The following FAM169A variants were observed in gnomAD, a reference collection of about 807,000 sequenced individuals.
The protein encoded by FAM169A is family with sequence similarity 169 member A.
FAM169A carries 24 observed loss-of-function variants against 75.7 expected under a neutral mutation model. The ratio of observed to expected loss-of-function variants is 0.32; its 90% CI spans 0.23 to 0.45. The LOEUF is 0.45. Among genes scored for constraint, FAM169A ranks in the 20% least tolerant of loss-of-function variants. The probability of loss-of-function intolerance (pLI) is 1.00; values close to 1 mark genes in which losing one functional copy is unlikely to be tolerated. For missense variants in FAM169A, 673 were observed against 784.0 expected (o/e 0.86, Z 1.69); for synonymous variants, 271 against 271.0 (o/e 1.00, Z 0.00).
chr5:74,801,082 C>A (rs962078375), intron 9 of FAM169A, 52 bp from the exon 10 acceptor site: 49 of 1,352,886 alleles, frequency 3.6e-5, no homozygotes, highest in Non-Finnish European at 4.5e-5. Flanking sequence ...ATTAAAAGGA[C>A]TACCTATTAA....
chr5:74,841,126 A>G (rs1325037563), intron 2 of FAM169A, among the ~76,000 whole-genome samples: 1 of 152,240 alleles, frequency 6.6e-6, no homozygotes, highest in Non-Finnish European at 1.5e-5. Context: ...ACAAAATATT[A>G]TAATTTACTG....
chr5:74,841,495 G>A (rs770592649), intron 2 of FAM169A, 50 bp downstream of exon 2: 1 of 1,399,144 alleles, frequency 7.1e-7, no homozygotes. Context: ...TTTATTTCAT[G>A]TATAAACTGA....
At position 74,783,052 on chromosome 5, in the gene FAM169A, G is replaced by A; in HGVS notation, c.1343C>T (p.Thr448Ile). 1.2e-6 allele frequency: 2 copies of A among 1,613,490 alleles called. No homozygotes were observed. Among genetic ancestry groups the A allele is most frequent in the Non-Finnish European group, 1.7e-6 (2 of 1,179,444 alleles). The change falls in exon 12 of 13, where the codon ACT (threonine) becomes ATT (isoleucine). Residue 448 changes from threonine (T) to isoleucine (I), a missense_variant. Coordinates refer to ENST00000687041, the MANE Select transcript of FAM169A (RefSeq NM_001376049.1). ...TAATTCTTCATCTAAAACTTCACTAGTGGAGTCTTCCTCTTCTGTTATAAG... is the reference window on the plus strand; with the variant it reads ...TAATTCTTCATCTAAAACTTCACTAATGGAGTCTTCCTCTTCTGTTATAAG... ...TSLITEEEDS[T>I]SEVLDEELKL...
chr5:74,818,605 T>A (rs1747594499), intron 5 of FAM169A, among the ~76,000 whole-genome samples: 1 of 112,044 alleles, frequency 8.9e-6, no homozygotes, highest in African/African-American at 3.5e-5. Flanking sequence ...GAGTATATAC[T>A]GTATGTCCTT....
At chr5:74,805,370 A>C in intron 6 of FAM169A, 86 bp from the exon 7 acceptor site, 1 of 1,268,302 alleles carries the variant, frequency 7.9e-7, no homozygotes, top group South Asian at 1.4e-5. Flanking sequence ...TTCCCAACTC[A>C]CTTAACGGGG....
At chr5:74,842,509 A>G (rs1360774316) in intron 1 of FAM169A, among the ~76,000 whole-genome samples, 6 of 144,202 alleles carry the variant, frequency 4.2e-5, no homozygotes, top group Non-Finnish European at 7.6e-5. Flanking sequence ...ATTATAAATT[A>G]TAATTCTCAT....
intron 5 of FAM169A, among the ~76,000 whole-genome samples, chr5:74,822,717 T>G (rs921861381): frequency 5.9e-5 from 9 of 152,238 alleles, no homozygotes; most frequent in Non-Finnish European, 1.2e-4. Flanking sequence ...ACCTCTTCCA[T>G]GTGCTCCAAC....
intron 5 of FAM169A, among the ~76,000 whole-genome samples, chr5:74,830,717 C>T (rs1235225507): frequency 1.3e-5 from 2 of 151,952 alleles, no homozygotes; most frequent in Non-Finnish European, 2.9e-5. Context: ...TTTTTACAGT[C>T]TGTATTTAAG....
At chr5:74,829,657 CAA>C (rs1298820511) in intron 5 of FAM169A, among the ~76,000 whole-genome samples, 1 of 150,080 alleles carries the variant, frequency 6.7e-6, no homozygotes, top group African/African-American at 2.4e-5. Flanking sequence ...GACCCTAGCT[CAA>C]AAAAATAATT....
intron 6 of FAM169A, among the ~76,000 whole-genome samples, 188 bp downstream of exon 6, chr5:74,813,652 T>C (rs1462281729): frequency 6.6e-6 from 1 of 152,130 alleles, no homozygotes; most frequent in Non-Finnish European, 1.5e-5. Context: ...ATTACATTTA[T>C]AGTTTTTTAA....
At position 74,804,588 on chromosome 5, in the gene FAM169A, G is replaced by C. The variant is rs1746765543; in HGVS notation, c.817C>G (p.Pro273Ala). 1.2e-6 allele frequency: 2 copies of C among 1,605,536 alleles called. No homozygotes were observed. Among genetic ancestry groups the C allele is most frequent in the African/African-American group, 1.3e-5 (1 of 74,636 alleles). ...TATTCTCCAGACATAGGTCTTTTAGGTTCATTTTGAGAAAGTGCTGCGTAT... is the reference window on the plus strand; with the variant it reads ...TATTCTCCAGACATAGGTCTTTTAGCTTCATTTTGAGAAAGTGCTGCGTAT... ...LKILALSQNE[P>A]KRPMSGEYGP... The change falls in exon 8 of 13, where the codon CCT becomes GCT. Residue 273 changes from proline to alanine, a missense_variant. Around this residue, in one of 3 missense-constraint regions of FAM169A, gnomAD observed 510 missense variants for 550.9 expected, o/e 0.93. Coordinates refer to ENST00000687041, the MANE Select transcript of FAM169A (RefSeq NM_001376049.1).
At chr5:74,823,630 T>C (rs1483675085) in intron 5 of FAM169A, among the ~76,000 whole-genome samples, 1 of 152,164 alleles carries the variant, frequency 6.6e-6, no homozygotes, top group East Asian at 1.9e-4. Flanking sequence ...GTCAACTCTA[T>C]CTCTCGAATA....
chr5:74,852,659 G>A (rs1301498709), intron 1 of FAM169A, among the ~76,000 whole-genome samples: 1 of 151,732 alleles, frequency 6.6e-6, no homozygotes, highest in Non-Finnish European at 1.5e-5. Flanking sequence ...CACCGAGAAC[G>A]GCAAGTAGTT....
At position 74,780,586 on chromosome 5, in the gene FAM169A, T is replaced by C. The variant is rs1417930749; in HGVS notation, c.*874A>G. On this transcript the variant is annotated 3_prime_UTR_variant, in exon 13 of 13. Coordinates refer to ENST00000687041, the MANE Select transcript of FAM169A (RefSeq NM_001376049.1). ...GATAAAAGTAAAATCTCCAGCTTAA[T>C]TTATCTATCTGATCAGGACCAGAAG... 3 of 152,204 alleles carry C rather than the reference T, an allele frequency of 2.0e-5. No homozygotes were observed. Among genetic ancestry groups the C allele is most frequent in the African/African-American group, 7.2e-5 (3 of 41,456 alleles). The allele number at this position is 152,204 out of a possible 1,614,324, so 9.4% of individuals were successfully genotyped here. A position where few individuals can be genotyped will look rare whatever the true frequency, so the allele number is the denominator to read the frequency against.
At chr5:74,794,236 T>C (rs750709612) in intron 11 of FAM169A, among the ~76,000 whole-genome samples, 20 of 144,080 alleles carry the variant, frequency 1.4e-4, no homozygotes, top group Non-Finnish European at 3.0e-4. Context: ...CTGCTCAAAA[T>C]TCAAAAAATT....
intron 5 of FAM169A, among the ~76,000 whole-genome samples, chr5:74,831,612 G>T (rs1437061068): frequency 6.6e-6 from 1 of 152,056 alleles, no homozygotes; most frequent in African/African-American, 2.4e-5. Flanking sequence ...GCCCCAACAA[G>T]CATTTCCTTT....
chr5:74,805,535 T>G (rs989410670), intron 6 of FAM169A, among the ~76,000 whole-genome samples: 4 of 140,226 alleles, frequency 2.9e-5, no homozygotes, highest in Non-Finnish European at 6.1e-5. Flanking sequence ...TTTTTTTTTT[T>G]TTTTTTTTTT....
rs569217823 is a variant in FAM169A at position 74,866,296 on chromosome 5, C to T, written c.-135G>A. On this transcript the variant is annotated 5_prime_UTR_variant, in exon 1 of 13. Transcript: ENST00000687041. ...GCCGCACAGCTCGCGGCTGCCAGGG[C>T]GAGTGCGGCTGCCTCCCGCTCGCCC... The T allele has an allele frequency of 1.5e-5, 15 of 984,082 alleles. 1 individual carries two copies. The East Asian group carries it at 1.5e-3, about 97-fold the overall frequency. 61.0% of individuals were successfully genotyped at this position (984,082 alleles called of 1,614,324 possible).
At chr5:74,833,051 A>G (rs1357453248) in intron 5 of FAM169A, among the ~76,000 whole-genome samples, 1 of 152,106 alleles carries the variant, frequency 6.6e-6, no homozygotes, top group Non-Finnish European at 1.5e-5. Context: ...CTGCAGTTAA[A>G]TACTGATCAG....
Sources: allele counts gnomAD v4.1 joint callset (sites outside exome capture counted in the v4.1 genomes callset), GRCh38; gene constraint gnomAD v4.1.1; regional missense constraint gnomAD v4.1.1; transcripts MANE v1.5; gene names NCBI Gene and HGNC (gene_info 2026-07-23, HGNC 2026-07-21).